Variants in CTNNA2 observed in about 807,000 individuals in gnomAD.
The protein encoded by CTNNA2 is catenin alpha-2.
CTNNA2 carries 42 observed loss-of-function variants against 101.0 expected under a neutral mutation model. The ratio of observed to expected loss-of-function variants is 0.42; its 90% CI spans 0.32 to 0.54. The LOEUF is 0.54. CTNNA2 is among the 20% of genes least tolerant of loss of function. The probability of loss-of-function intolerance (pLI) is 0.14; values close to 1 mark genes in which losing one functional copy is unlikely to be tolerated. For missense variants in CTNNA2, 871 were observed against 1,223.1 expected (o/e 0.71, Z 4.29); for synonymous variants, 450 against 456.4 (o/e 0.99, Z 0.18).
At chr2:79,622,478 G>T (rs1364557499) in intron 1 of CTNNA2, among the ~76,000 whole-genome samples, 2 of 152,048 alleles carry the variant, frequency 1.3e-5, no homozygotes, top group African/African-American at 4.8e-5. Context: ...AAATATGGTT[G>T]TTTGATAAAT....
chr2:80,646,253 TTACAGGC>T (rs1340131501), intron 18 of CTNNA2, among the ~76,000 whole-genome samples: 1 of 152,092 alleles, frequency 6.6e-6, no homozygotes, highest in Non-Finnish European at 1.5e-5. Flanking sequence ...AGTTCATGAA[TTACAGGC>T]TACACAACAA....
chr2:79,342,018 C>T (rs551938097), intron 3 of CTNNA2, among the ~76,000 whole-genome samples: 1 of 152,126 alleles, frequency 6.6e-6, no homozygotes, highest in Admixed American at 6.6e-5. Flanking sequence ...AAATTTGGGG[C>T]AAATTATTTG....
At chr2:80,413,710 T>G (rs577039324) in intron 8 of CTNNA2, among the ~76,000 whole-genome samples, 1 of 152,304 alleles carries the variant, frequency 6.6e-6, no homozygotes, top group Non-Finnish European at 1.5e-5. Flanking sequence ...TTTGTTGCTT[T>G]GATTTTACAT....
intron 1 of CTNNA2, among the ~76,000 whole-genome samples, chr2:79,593,183 G>T (rs2103999167): frequency 1.3e-5 from 2 of 152,162 alleles, no homozygotes; most frequent in South Asian, 2.1e-4. Flanking sequence ...TCCTCATCCT[G>T]CCTGGACATC....
chr2:80,001,504 T>G (rs1692945000), intron 7 of CTNNA2, among the ~76,000 whole-genome samples: 1 of 152,232 alleles, frequency 6.6e-6, no homozygotes, highest in South Asian at 2.1e-4. Context: ...TGTGCATATA[T>G]GTACCTTCAC....
rs1289083437 is a variant in CTNNA2 at position 79,344,859 on chromosome 2, ATATAT to A, written c.-317-28965_-317-28961del. On this transcript the variant is annotated intron_variant, in intron 3 of 21. Coordinates refer to the CTNNA2 transcript ENST00000466387. ...ATATAATACAAATATTATATATATA[ATATAT>A]TATATTTATATATATAATATATATA... Among the ~76,000 whole-genome samples, 149 of 144,902 alleles carry A rather than the reference ATATAT, an allele frequency of 1.0e-3. 1 individual carries two copies. The highest frequency in any genetic ancestry group is 2.8e-3 in the African/African-American group (111 of 39,602).
chr2:79,247,584 TAAG>T (rs1324233606), intron 2 of CTNNA2, among the ~76,000 whole-genome samples: 1 of 152,170 alleles, frequency 6.6e-6, no homozygotes, highest in African/African-American at 2.4e-5. Flanking sequence ...TGAAAAAGAT[TAAG>T]AAGAGGAGAG....
chr2:79,534,285 G>T (rs1170985838), intron 1 of CTNNA2, among the ~76,000 whole-genome samples: 1 of 151,732 alleles, frequency 6.6e-6, no homozygotes, highest in Non-Finnish European at 1.5e-5. Context: ...GCTTTTATTT[G>T]TAAACAGTTT....
intron 7 of CTNNA2, among the ~76,000 whole-genome samples, chr2:80,034,186 A>G (rs1695497603): frequency 1.3e-5 from 2 of 151,976 alleles, no homozygotes; most frequent in South Asian, 4.1e-4. Context: ...TTCATATAAC[A>G]GGCCTAATTT....
intron 17 of CTNNA2, among the ~76,000 whole-genome samples, chr2:80,617,545 C>T (rs1698950212): frequency 6.6e-6 from 1 of 151,670 alleles, no homozygotes; most frequent in African/African-American, 2.4e-5. Context: ...AGGCAAAACA[C>T]CCATCTTTTT....
At chr2:79,980,418 C>T (rs2104608141) in intron 7 of CTNNA2, among the ~76,000 whole-genome samples, 1 of 152,164 alleles carries the variant, frequency 6.6e-6, no homozygotes, top group Admixed American at 6.6e-5. Context: ...ATATCAACCT[C>T]ATTGGTTTTA....
At chr2:80,310,902 G>A (rs953384371) in intron 7 of CTNNA2, among the ~76,000 whole-genome samples, 122 of 151,370 alleles carry the variant, frequency 8.1e-4, no homozygotes, top group African/African-American at 2.7e-3. Flanking sequence ...GAACCCGGGA[G>A]GCGGATGTTG....
intron 7 of CTNNA2, among the ~76,000 whole-genome samples, chr2:80,005,243 G>T (rs1162770949): frequency 2.6e-5 from 4 of 152,184 alleles, no homozygotes; most frequent in African/African-American, 9.6e-5. Context: ...TTACAACGTA[G>T]AAGACATTCT....
At chr2:79,326,573 A>G (rs1378134686) in intron 3 of CTNNA2, among the ~76,000 whole-genome samples, 1 of 152,180 alleles carries the variant, frequency 6.6e-6, no homozygotes, top group African/African-American at 2.4e-5. Flanking sequence ...GGAATGGGCT[A>G]GTCATTTATA....
At chr2:79,331,753 A>G (rs745834625) in intron 3 of CTNNA2, among the ~76,000 whole-genome samples, 1 of 152,192 alleles carries the variant, frequency 6.6e-6, no homozygotes. Context: ...ACAACCCTAC[A>G]TATAAAAGCA....
intron 1 of CTNNA2, among the ~76,000 whole-genome samples, chr2:79,516,291 A>G (rs150923799): frequency 2.8e-4 from 42 of 152,358 alleles, no homozygotes; most frequent in African/African-American, 8.9e-4. Flanking sequence ...ACTTAAACAC[A>G]TTCCAAGACC....
intron 7 of CTNNA2, among the ~76,000 whole-genome samples, chr2:80,313,206 A>G (rs1322300053): frequency 6.6e-6 from 1 of 152,244 alleles, no homozygotes; most frequent in African/African-American, 2.4e-5. Context: ...ACAGGTCTTC[A>G]GTGGTAAACT....
intron 7 of CTNNA2, among the ~76,000 whole-genome samples, chr2:80,349,531 C>A (rs1004955881): frequency 1.3e-5 from 2 of 152,082 alleles, no homozygotes; most frequent in African/African-American, 4.8e-5. Flanking sequence ...GAGTAATATG[C>A]AGAAGCAGAG....
intron 2 of CTNNA2, among the ~76,000 whole-genome samples, chr2:79,282,391 G>T (rs1292350050): frequency 6.6e-6 from 1 of 152,052 alleles, no homozygotes; most frequent in Non-Finnish European, 1.5e-5. Context: ...ATATCTCCCA[G>T]TGCTATCCCT....
Sources: allele counts gnomAD v4.1 joint callset (sites outside exome capture counted in the v4.1 genomes callset), GRCh38; gene constraint gnomAD v4.1.1; transcripts MANE v1.5; gene names NCBI Gene and HGNC (gene_info 2026-07-23, HGNC 2026-07-21).